Variants in NPSR1 observed in about 807,000 individuals in gnomAD.
NPSR1 encodes the protein neuropeptide S receptor 1.
A neutral mutation model predicts 46.9 loss-of-function variants in NPSR1; 48 were observed. That is an observed-to-expected ratio of 1.02 (90% CI 0.81 to 1.30). The LOEUF is 1.30. Ranked by LOEUF, NPSR1 falls within the 50% of genes most tolerant of loss-of-function variation. The probability of loss-of-function intolerance (pLI) is 0.00; values close to 1 mark genes in which losing one functional copy is unlikely to be tolerated. For synonymous variants in NPSR1, 176 were observed against 168.1 expected (o/e 1.05, Z -0.36); for missense variants, 450 against 449.5 (o/e 1.00, Z -0.01).
chr7:34,761,844 C>A (rs1477738686), intron 2 of NPSR1, among the ~76,000 whole-genome samples: 1 of 152,190 alleles, frequency 6.6e-6, no homozygotes, highest in Non-Finnish European at 1.5e-5. Context: ...TACATGCTAC[C>A]ATGCCTCAAG....
At chr7:34,690,551 C>T (rs1374809409) in intron 2 of NPSR1, among the ~76,000 whole-genome samples, 6 of 151,978 alleles carry the variant, frequency 3.9e-5, no homozygotes, top group East Asian at 3.9e-4. Flanking sequence ...ATAAAAGAAA[C>T]GGACATTTAA....
At chr7:34,845,945 C>A (rs1790728581) in intron 7 of NPSR1, among the ~76,000 whole-genome samples, 1 of 152,152 alleles carries the variant, frequency 6.6e-6, no homozygotes. Context: ...ATAGATCTCC[C>A]ATTAGCTGCA....
At chr7:34,827,641 G>T (rs540428040) in intron 5 of NPSR1, 39 bp downstream of exon 5, 1 of 728,944 alleles carries the variant, frequency 1.4e-6, no homozygotes, top group Non-Finnish European at 2.1e-6. Flanking sequence ...GGGGGGGTGG[G>T]GCGGGGGGGG....
intron 3 of NPSR1, among the ~76,000 whole-genome samples, chr7:34,804,153 G>A (rs922726298): frequency 4.6e-5 from 7 of 152,038 alleles, no homozygotes; most frequent in African/African-American, 1.7e-4. Flanking sequence ...TATACTTGCT[G>A]ACTTGTTCCA....
intron 2 of NPSR1, among the ~76,000 whole-genome samples, chr7:34,765,542 T>C (rs1478240341): frequency 3.9e-5 from 6 of 152,192 alleles, no homozygotes. Flanking sequence ...TTAACTACCA[T>C]TTGAATTAGC....
At chr7:34,669,050 A>G (rs973696729) in intron 1 of NPSR1, among the ~76,000 whole-genome samples, 17 of 152,160 alleles carry the variant, frequency 1.1e-4, no homozygotes, top group African/African-American at 4.1e-4. Context: ...TAATCCAAAA[A>G]CTTTTACCCA....
At chr7:34,790,846 T>C (rs62638829) in intron 3 of NPSR1, among the ~76,000 whole-genome samples, 1 of 105,004 alleles carries the variant, frequency 9.5e-6, no homozygotes, top group Non-Finnish European at 1.9e-5. Flanking sequence ...GTTATATATA[T>C]GTTATATGTT....
chr7:34,815,206 A>G (rs1584083694), intron 4 of NPSR1, among the ~76,000 whole-genome samples: 2 of 152,202 alleles, frequency 1.3e-5, no homozygotes, highest in South Asian at 2.1e-4. Context: ...AATAGAATAA[A>G]CAGTGTAGAG....
At chr7:34,679,911 A>G (rs1396857154) in intron 1 of NPSR1, among the ~76,000 whole-genome samples, 1 of 152,140 alleles carries the variant, frequency 6.6e-6, no homozygotes, top group Non-Finnish European at 1.5e-5. Context: ...CTAAATACAA[A>G]ATGTTAAAAT....
intron 2 of NPSR1, among the ~76,000 whole-genome samples, chr7:34,753,192 GCC>G: frequency 1.3e-5 from 2 of 152,242 alleles, no homozygotes; most frequent in South Asian, 4.1e-4. Context: ...CTTGTATTGG[GCC>G]TTAGAGGATG....
chr7:34,874,719 T>G (rs140103580), intron 8 of NPSR1, among the ~76,000 whole-genome samples: 2,926 of 152,000 alleles, frequency 0.019, 111 homozygotes, highest in African/African-American at 0.067. Flanking sequence ...AGGGAGAGAA[T>G]AATTTAAAGT....
intron 2 of NPSR1, among the ~76,000 whole-genome samples, chr7:34,764,028 G>C (rs1216095275): frequency 6.6e-6 from 1 of 152,068 alleles, no homozygotes; most frequent in Non-Finnish European, 1.5e-5. Context: ...TGCTTTGCTG[G>C]TATGTCAACT....
chr7:34,860,529 T>C (rs1380398980), intron 8 of NPSR1, among the ~76,000 whole-genome samples: 1 of 151,936 alleles, frequency 6.6e-6, no homozygotes, highest in East Asian at 1.9e-4. Context: ...TTTAACTTTA[T>C]GCAAATCTTT....
chr7:34,710,076 T>TAGTC (rs1372092329), intron 2 of NPSR1, among the ~76,000 whole-genome samples: 3 of 152,246 alleles, frequency 2.0e-5, no homozygotes, highest in Admixed American at 1.3e-4. Context: ...AGTAGCTCTC[T>TAGTC]AGTCATTCAG....
chr7:34,812,535 G>C, intron 4 of NPSR1, among the ~76,000 whole-genome samples: 1 of 152,140 alleles, frequency 6.6e-6, no homozygotes, highest in East Asian at 1.9e-4. Flanking sequence ...CTGACAAGGT[G>C]ATTTCTGAAG....
At chr7:34,764,585 C>T (rs1196934412) in intron 2 of NPSR1, among the ~76,000 whole-genome samples, 1 of 152,194 alleles carries the variant, frequency 6.6e-6, no homozygotes, top group African/African-American at 2.4e-5. Context: ...GTATGAAATA[C>T]TACCCTCCTT....
chr7:34,692,769 G>A (rs1172708090), intron 2 of NPSR1, among the ~76,000 whole-genome samples: 1 of 152,144 alleles, frequency 6.6e-6, no homozygotes, highest in African/African-American at 2.4e-5. Context: ...AAAACAAAAT[G>A]TTGGATCTTT....
At chr7:34,845,119 C>T in intron 7 of NPSR1, 137 bp downstream of exon 7, 1 of 682,676 alleles carries the variant, frequency 1.5e-6, no homozygotes, top group Non-Finnish European at 2.7e-6. Context: ...ATGTGTGAAA[C>T]TCATCAGCCC....
At chr7:34,692,096 T>A (rs1486582382) in intron 2 of NPSR1, among the ~76,000 whole-genome samples, 1 of 152,094 alleles carries the variant, frequency 6.6e-6, no homozygotes. Context: ...CAATCCAGCC[T>A]GGGCAAAAGA....
Sources: gnomAD v4.1 joint callset for allele counts (sites outside exome capture counted in the v4.1 genomes callset) on GRCh38, gnomAD v4.1.1 for gene constraint, MANE v1.5 for transcripts, NCBI Gene and HGNC (gene_info 2026-07-23, HGNC 2026-07-21) for gene names.